The following ODF2 variants were observed in gnomAD, a reference collection of about 807,000 sequenced individuals.
The protein encoded by ODF2 is outer dense fiber protein 2.
Under a neutral mutation model 110.2 loss-of-function variants are expected in ODF2, and 47 were observed. That is an observed-to-expected ratio of 0.43 (90% confidence interval 0.34 to 0.54). ODF2 has a LOEUF of 0.54. Among genes scored for constraint, ODF2 ranks in the 20% least tolerant of loss-of-function variants. The probability of loss-of-function intolerance (pLI) is 0.03; values close to 1 mark genes in which losing one functional copy is unlikely to be tolerated. For synonymous variants in ODF2, 352 were observed against 397.7 expected, an observed-to-expected ratio of 0.89 and a Z score of 1.37; for missense variants, 812 against 1,054.5, an observed-to-expected ratio of 0.77 and a Z score of 3.19.
At chr9:128,480,674 G>A (rs916608254) in intron 8 of ODF2, among the ~76,000 whole-genome samples, 20 of 152,164 alleles carry the variant, frequency 1.3e-4, no homozygotes, top group African/African-American at 3.9e-4. Flanking sequence ...AAAATTAGCC[G>A]GGCGTGGTGG....
chr9:128,497,950 T>C (rs1421332958), intron 18 of ODF2: 1 of 152,944 alleles, frequency 6.5e-6, no homozygotes, highest in Non-Finnish European at 1.5e-5. Context: ...ACACAAGATG[T>C]TGAGTGGTGT....
chr9:128,456,644 G>C (rs928485057), intron 1 of ODF2: 119 of 1,482,660 alleles, frequency 8.0e-5, no homozygotes, highest in Non-Finnish European at 1.0e-4. Flanking sequence ...CGGCGGCATC[G>C]CCCCGACCGC....
chr9:128,459,263 G>T (rs1835781916), intron 2 of ODF2, among the ~76,000 whole-genome samples: 2 of 152,202 alleles, frequency 1.3e-5, no homozygotes, highest in African/African-American at 2.4e-5. Flanking sequence ...TTCTGTTCAT[G>T]TGCTGCTTGC....
intron 1 of ODF2, chr9:128,456,756 G>C: frequency 1.0e-6 from 1 of 953,994 alleles, no homozygotes; most frequent in Admixed American, 6.7e-5. Flanking sequence ...GCCCTCGCCC[G>C]GCGGGGGGGG....
At chr9:128,496,419 C>A in intron 18 of ODF2, 7 of 1,112,692 alleles carry the variant, frequency 6.3e-6, no homozygotes, top group Non-Finnish European at 8.3e-6. Context: ...TGGTCCAGGC[C>A]TGCCAGGAGG....
In ODF2 at chr9:128,485,704, T is replaced by C. The variant is rs1843227177; in HGVS notation, c.1400+230T>C. On this transcript the variant is annotated intron_variant, in intron 13 of 20. Transcript: ENST00000604420. This position sits in a 1 kb window ranked among gnomAD's most constrained non-coding sequence, Gnocchi z 5.0. ...TCCTACCCTACTGTCAGGCACTGGC[T>C]AGGGGCCGGGTCTTTCTGGTCAGAG... Among the ~76,000 whole-genome samples, 1 of 152,188 alleles carries C rather than the reference T, an allele frequency of 6.6e-6. No homozygotes were observed. The highest frequency in any genetic ancestry group is 1.5e-5 in the Non-Finnish European group (1 of 68,030).
At chr9:128,500,451 G>T in exon 21 of ODF2, 1 of 572,000 alleles carries the variant, frequency 1.7e-6, no homozygotes, top group Non-Finnish European at 3.1e-6. Context: ...TCTCCTTCCT[G>T]ATATAGTCAC....
intron 1 of ODF2, chr9:128,457,082 C>A: frequency 7.4e-7 from 1 of 1,348,150 alleles, no homozygotes; most frequent in Non-Finnish European, 9.7e-7. Context: ...CGGCAGTCCT[C>A]CGCGTGGGAC....
chr9:128,481,516 TA>T, intron 8 of ODF2, 63 bp from the exon 9 acceptor site: 1 of 1,248,994 alleles, frequency 8.0e-7, no homozygotes, highest in Non-Finnish European at 1.1e-6. Context: ...AAAGAATCAA[TA>T]AAATGTAGAC....
upstream of ODF2, chr9:128,455,413 G>A (rs1027813031): frequency 1.2e-5 from 5 of 428,874 alleles, no homozygotes; most frequent in South Asian, 1.4e-4. Flanking sequence ...AATTAGCCGG[G>A]CGTTGTGGCG....
intron 18 of ODF2, among the ~76,000 whole-genome samples, chr9:128,497,008 G>A (rs888617575): frequency 6.6e-6 from 1 of 152,092 alleles, no homozygotes; most frequent in Non-Finnish European, 1.5e-5. Flanking sequence ...GAGTACAGGC[G>A]GGAGCCACCA....
In ODF2 at chr9:128,488,039, G is replaced by C; in HGVS notation, c.1536+14G>C. 2 of 1,613,410 alleles carry C rather than the reference G, an allele frequency of 1.2e-6. No homozygotes were observed. The highest frequency in any genetic ancestry group is 1.7e-6 in the Non-Finnish European group (2 of 1,179,728). On this transcript the variant is annotated intron_variant, in intron 14 of 20. Coordinates refer to ENST00000604420, the Ensembl canonical transcript of ODF2. ...GAGAGGCTGAAGGTTCGCAGTGAGA[G>C]CTGGGGACCAGGCAGCTGGATGGGG...
upstream of ODF2, among the ~76,000 whole-genome samples, chr9:128,455,553 CAAAAAAAAAAAAAAAAAAAAAAAAAAA>C (rs55634490): frequency 0.2 from 11,481 of 56,952 alleles, 845 homozygotes; most frequent in Middle Eastern, 0.28. Context: ...GAATCTGTCT[CAAAAAAAAAAAAAAAAAAAAAAAAAAA>C]AAAAAAAAAA....
At chr9:128,492,495 G>C in exon 15 of ODF2, 3 of 1,614,010 alleles carry the variant, frequency 1.9e-6, no homozygotes, top group Non-Finnish European at 1.7e-6. Flanking sequence ...GAAGGCCTCA[G>C]TGAAGAACTA....
rs888473624 is a variant in ODF2, at chr9:128,456,591, CT to C, written c.-209+338del. On this transcript the variant is annotated intron_variant, in intron 1 of 20. Transcript: ENST00000604420. ...CCTGCCTGCTGGTGGGTGGCCGTCC[CT>C]TCTCTCCGCCGACAGAGGCTCTCCC... is the stretch of plus-strand genomic sequence containing the variant. The C allele has an allele frequency of 1.4e-5, 21 of 1,522,096 alleles. No homozygotes were observed. In the African/African-American group the frequency reaches 2.0e-4, roughly 14 times the overall value. The allele number at this position is 1,522,096 out of a possible 1,614,324, so 94.3% of individuals were successfully genotyped here. A position where few individuals can be genotyped will look rare whatever the true frequency, so the allele number is the denominator to read the frequency against.
At chr9:128,499,984 A>C (rs1589026414) in intron 20 of ODF2, 83 bp from the exon 21 acceptor site, 1 of 1,484,368 alleles carries the variant, frequency 6.7e-7, no homozygotes, top group Admixed American at 1.9e-5. Flanking sequence ...CCTCCTGGCA[A>C]CTCCTAAGAA....
At chr9:128,465,214 T>A (rs1837524165) in intron 4 of ODF2, among the ~76,000 whole-genome samples, 1 of 152,178 alleles carries the variant, frequency 6.6e-6, no homozygotes, top group Non-Finnish European at 1.5e-5. Flanking sequence ...TTCTTGTGTC[T>A]GCCCCTTTCC....
chr9:128,456,343 C>T (rs1834769883), intron 1 of ODF2, 88 bp downstream of exon 1: 12 of 1,441,476 alleles, frequency 8.3e-6, no homozygotes, highest in Non-Finnish European at 9.9e-6. Flanking sequence ...GCGGTCGACC[C>T]CGCGGGGCCG....
chr9:128,489,948 T>C (rs1844203609), intron 14 of ODF2, among the ~76,000 whole-genome samples: 1 of 152,222 alleles, frequency 6.6e-6, no homozygotes, highest in African/African-American at 2.4e-5. Context: ...AGCTTGGTAT[T>C]GAGTGTCTTA....
Sources: allele counts gnomAD v4.1 joint callset (sites outside exome capture counted in the v4.1 genomes callset), GRCh38; gene constraint gnomAD v4.1.1; non-coding constraint Gnocchi (gnomAD v3.1); transcripts MANE v1.5; gene names NCBI Gene and HGNC (gene_info 2026-07-23, HGNC 2026-07-21).